The following HS3ST5 variants were observed in gnomAD, a reference collection of about 807,000 sequenced individuals.
HS3ST5 encodes the protein heparan sulfate glucosamine 3-O-sulfotransferase 5.
Under a neutral mutation model 25.4 loss-of-function variants are expected in HS3ST5, and 10 were observed. The observed-to-expected ratio is 0.39, with a 90% CI of 0.24 to 0.67. HS3ST5 has a LOEUF of 0.67. Among genes scored for constraint, HS3ST5 ranks in the 30% least tolerant of loss-of-function variants. HS3ST5 has a pLI of 0.44. For synonymous variants in HS3ST5, 170 were observed against 162.4 expected (o/e 1.05, Z -0.36); for missense variants, 324 against 420.7 (o/e 0.77, Z 2.01).
intron 3 of HS3ST5, among the ~76,000 whole-genome samples, chr6:114,088,156 T>A (rs544758698): frequency 6.6e-6 from 1 of 152,324 alleles, no homozygotes; most frequent in East Asian, 1.9e-4. Flanking sequence ...AAATTGTAAA[T>A]TACCTACGTG....
chr6:114,323,131 G>A (rs785141), intron 1 of HS3ST5, among the ~76,000 whole-genome samples: 9,134 of 152,148 alleles, frequency 0.06, 838 homozygotes, highest in African/African-American at 0.2. Flanking sequence ...CTGGTCATTT[G>A]TTACCTCAAC....
chr6:114,126,679 T>A (rs563651343), intron 3 of HS3ST5, among the ~76,000 whole-genome samples: 2 of 152,346 alleles, frequency 1.3e-5, no homozygotes, highest in African/African-American at 4.8e-5. Context: ...GTGAATTTGC[T>A]GTCACTGCAA....
chr6:114,084,217 G>A, intron 3 of HS3ST5: 4 of 1,103,438 alleles, frequency 3.6e-6, no homozygotes, highest in Non-Finnish European at 4.1e-6. Context: ...CTGAGCAATG[G>A]GAGCTGCAGA....
chr6:114,323,995 C>T (rs1007986923), intron 1 of HS3ST5, among the ~76,000 whole-genome samples: 2 of 152,048 alleles, frequency 1.3e-5, no homozygotes, highest in African/African-American at 4.8e-5. Flanking sequence ...GTCTTCTTCC[C>T]CCTGCTGGGG....
At chr6:114,193,599 T>C (rs1780604777) in intron 2 of HS3ST5, among the ~76,000 whole-genome samples, 1 of 152,180 alleles carries the variant, frequency 6.6e-6, no homozygotes, top group Non-Finnish European at 1.5e-5. Flanking sequence ...TTAATTTCCT[T>C]ATCTATATAA....
At chr6:114,282,735 T>C (rs1774171784) in intron 1 of HS3ST5, among the ~76,000 whole-genome samples, 1 of 152,110 alleles carries the variant, frequency 6.6e-6, no homozygotes, top group East Asian at 1.9e-4. Flanking sequence ...CTCCCTCCCC[T>C]TTCTTCCATT....
chr6:114,268,321 G>A (rs1404151198), intron 1 of HS3ST5, among the ~76,000 whole-genome samples: 2 of 152,160 alleles, frequency 1.3e-5, no homozygotes, highest in African/African-American at 4.8e-5. Flanking sequence ...AGCTAAAAGG[G>A]TAGCCAGCTC....
In HS3ST5 at chr6:114,306,238, CATAT is replaced by C. The variant is rs757321554; in HGVS notation, c.-339+35953_-339+35956del. 1.5e-4 allele frequency among the ~76,000 whole-genome samples: 17 copies of C among 111,528 alleles called. 1 individual carries two copies. The South Asian group carries it at 3.9e-3, about 26-fold the overall frequency. The allele number at this position is 111,528 out of a possible 152,430, so 73.2% of individuals were successfully genotyped here. ...GCAAAGCTTCTGTAAATGAAATATACATATATATATATATATATACACACACACA... is the reference window on the plus strand; with the variant it reads ...GCAAAGCTTCTGTAAATGAAATATACATATATATATATATACACACACACA... On this transcript the variant is annotated intron_variant, in intron 1 of 4. Coordinates refer to ENST00000312719, the MANE Select transcript of HS3ST5 (RefSeq NM_153612.4).
intron 3 of HS3ST5, among the ~76,000 whole-genome samples, chr6:114,087,683 C>T (rs1272715812): frequency 6.6e-6 from 1 of 152,106 alleles, no homozygotes; most frequent in Non-Finnish European, 1.5e-5. Flanking sequence ...CAGCATATTG[C>T]TCACTACTTT....
At chr6:114,258,518 T>C (rs537570215) in intron 1 of HS3ST5, among the ~76,000 whole-genome samples, 1 of 152,070 alleles carries the variant, frequency 6.6e-6, no homozygotes, top group Non-Finnish European at 1.5e-5. Context: ...GGCAAAGAAA[T>C]GACAGAGGTG....
intron 3 of HS3ST5, among the ~76,000 whole-genome samples, chr6:114,161,219 C>T (rs1395933003): frequency 6.6e-6 from 1 of 151,364 alleles, no homozygotes; most frequent in Non-Finnish European, 1.5e-5. Flanking sequence ...TAGATTGGTC[C>T]TCGGGTTTCT....
At chr6:114,313,024 A>AG (rs1775596937) in intron 1 of HS3ST5, among the ~76,000 whole-genome samples, 3 of 113,034 alleles carry the variant, frequency 2.7e-5, no homozygotes, top group East Asian at 5.0e-4. Flanking sequence ...ACCCTGCATC[A>AG]GAAAAAAAAA....
chr6:114,268,740 T>C (rs557603166), intron 1 of HS3ST5, among the ~76,000 whole-genome samples: 2 of 152,278 alleles, frequency 1.3e-5, no homozygotes, highest in South Asian at 4.1e-4. Flanking sequence ...GCACTTTAAC[T>C]CAAAGTAGGT....
intron 1 of HS3ST5, among the ~76,000 whole-genome samples, chr6:114,261,303 T>TA (rs1562256332): frequency 6.6e-6 from 1 of 152,130 alleles, no homozygotes; most frequent in Non-Finnish European, 1.5e-5. Flanking sequence ...GAGAATTAAC[T>TA]AATGAGATGC....
rs1454127722 is a variant in HS3ST5, at chr6:114,103,631, G to A, written c.-32-40754C>T. ...GAGACAGGGTCTGACTCTGTTGCCT[G>A]TCTGAAACTCCTGGCCTCAAGCCTA... On this transcript the variant is annotated intron_variant, in intron 3 of 4. Transcript: ENST00000312719. Among the ~76,000 whole-genome samples the A allele has an allele frequency of 1.3e-5, 2 of 149,282 alleles. 1 individual carries two copies. Among genetic ancestry groups the A allele is most frequent in the Non-Finnish European group, 3.0e-5 (2 of 67,372 alleles).
chr6:114,191,867 A>C (rs1224539128), intron 2 of HS3ST5, among the ~76,000 whole-genome samples: 2 of 152,166 alleles, frequency 1.3e-5, no homozygotes, highest in African/African-American at 4.8e-5. Flanking sequence ...TTTTCATTTA[A>C]TTGATCATGA....
At chr6:114,325,080 G>A (rs1043036901) in intron 1 of HS3ST5, among the ~76,000 whole-genome samples, 1 of 152,176 alleles carries the variant, frequency 6.6e-6, no homozygotes, top group Non-Finnish European at 1.5e-5. Flanking sequence ...AACATTGACT[G>A]CATCAGTTGA....
chr6:114,233,823 A>G, intron 1 of HS3ST5, among the ~76,000 whole-genome samples: 1 of 152,246 alleles, frequency 6.6e-6, no homozygotes, highest in Non-Finnish European at 1.5e-5. Flanking sequence ...CAGAGATTCA[A>G]AAGTAGGTAT....
intron 1 of HS3ST5, among the ~76,000 whole-genome samples, chr6:114,290,609 C>T (rs916671666): frequency 8.6e-5 from 13 of 152,042 alleles, no homozygotes; most frequent in African/African-American, 3.1e-4. Context: ...TAGGAGAATT[C>T]ACACTACTAT....
Sources: allele counts gnomAD v4.1 joint callset (sites outside exome capture counted in the v4.1 genomes callset), GRCh38; gene constraint gnomAD v4.1.1; transcripts MANE v1.5; gene names NCBI Gene and HGNC (gene_info 2026-07-23, HGNC 2026-07-21).